Variants in EHD4 observed in about 807,000 individuals in gnomAD.
The protein encoded by EHD4 is EH domain containing 4.
In EHD4, 37 loss-of-function variants were observed where a neutral mutation model predicts 51.0. The ratio of observed to expected loss-of-function variants is 0.73; its 90% CI spans 0.56 to 0.95. EHD4 has a LOEUF of 0.95. Among genes scored for constraint, EHD4 ranks in the 40% least tolerant of loss-of-function variants. EHD4 has a pLI of 0.00. For synonymous variants in EHD4, 297 were observed against 317.3 expected, an observed-to-expected ratio of 0.94 and a Z score of 0.68; for missense variants, 632 against 733.1, an observed-to-expected ratio of 0.86 and a Z score of 1.59.
chr15:41,913,968 T>C (rs569047875), intron 4 of EHD4, among the ~76,000 whole-genome samples: 44 of 152,270 alleles, frequency 2.9e-4, no homozygotes, highest in African/African-American at 1.1e-3. Context: ...GGAAAGTCCT[T>C]CCTTTTAAAT....
At chr15:41,966,244 C>A (rs1035467633) in intron 1 of EHD4, among the ~76,000 whole-genome samples, 14 of 152,190 alleles carry the variant, frequency 9.2e-5, no homozygotes, top group African/African-American at 3.4e-4. Context: ...CCTTCACCAC[C>A]ACTCACAGGC....
intron 1 of EHD4, among the ~76,000 whole-genome samples, chr15:41,956,623 C>A (rs1374389199): frequency 6.6e-6 from 1 of 152,132 alleles, no homozygotes; most frequent in Non-Finnish European, 1.5e-5. Context: ...AAGTAGCGAC[C>A]CTACTGGACA....
chr15:41,936,004 G>A lies in EHD4; in HGVS notation c.511+7063C>T, dbSNP rs182949686. On this transcript the variant is annotated intron_variant, in intron 3 of 5. Transcript: ENST00000220325. The stretch of plus-strand genomic sequence containing the variant: ...CTTGGGCTTCCCTCACAGAATGGCC[G>A]TCTCAGTCACAGTATGACAACTACT... 6.7e-4 allele frequency among the ~76,000 whole-genome samples: 102 copies of A among 152,306 alleles called. 2 individuals are homozygous for A. The highest frequency in any genetic ancestry group is 2.3e-3 in the African/African-American group (96 of 41,568).
chr15:41,948,174 A>G (rs958463893), intron 2 of EHD4, among the ~76,000 whole-genome samples: 1 of 151,524 alleles, frequency 6.6e-6, no homozygotes, highest in Admixed American at 6.6e-5. Context: ...AATTGCTTGA[A>G]CCCGGGAGGC....
At chr15:41,907,698 T>C (rs773131923) in intron 5 of EHD4, among the ~76,000 whole-genome samples, 9 of 151,828 alleles carry the variant, frequency 5.9e-5, no homozygotes, top group Non-Finnish European at 1.3e-4. Flanking sequence ...TTTTTTGGAT[T>C]TTCTGCAGAG....
chr15:41,903,321 C>T (rs1433735045), intron 5 of EHD4, among the ~76,000 whole-genome samples: 6 of 52,498 alleles, frequency 1.1e-4, no homozygotes, highest in Non-Finnish European at 1.8e-4. Context: ...AAATATCATG[C>T]TTTCTTGTAA....
intron 3 of EHD4, among the ~76,000 whole-genome samples, chr15:41,933,085 G>A (rs1648859): frequency 0.067 from 10,177 of 152,312 alleles, 495 homozygotes; most frequent in African/African-American, 0.13. Flanking sequence ...AGGGCCCCAT[G>A]CTGGGATTCA....
chr15:41,935,392 CA>C (rs1269648737), intron 3 of EHD4, among the ~76,000 whole-genome samples: 1 of 152,128 alleles, frequency 6.6e-6, no homozygotes, highest in Non-Finnish European at 1.5e-5. Context: ...AGAAATTGAC[CA>C]GGGGGCACAG....
chr15:41,928,059 C>T (rs10518742), intron 3 of EHD4, among the ~76,000 whole-genome samples: 9,915 of 152,230 alleles, frequency 0.065, 400 homozygotes, highest in South Asian at 0.12. Context: ...AAATACACTT[C>T]GAAAAGAGTC....
intron 1 of EHD4, among the ~76,000 whole-genome samples, chr15:41,969,908 G>A (rs1236932237): frequency 6.6e-6 from 1 of 152,162 alleles, no homozygotes; most frequent in Non-Finnish European, 1.5e-5. Context: ...AGGGAGATAA[G>A]AATCTATGGC....
intron 1 of EHD4, among the ~76,000 whole-genome samples, chr15:41,968,177 C>T (rs1040626608): frequency 2.0e-5 from 3 of 152,194 alleles, no homozygotes; most frequent in African/African-American, 7.2e-5. Context: ...CCCACTCCAG[C>T]TTCTTGATCC....
At chr15:41,916,285 C>T (rs564009689) in intron 4 of EHD4, among the ~76,000 whole-genome samples, 3 of 152,304 alleles carry the variant, frequency 2.0e-5, no homozygotes, top group South Asian at 2.1e-4. Flanking sequence ...TGTTCACTCC[C>T]GATTTCAGGT....
chr15:41,935,100 T>G (rs1169592483), intron 3 of EHD4, among the ~76,000 whole-genome samples: 1 of 152,184 alleles, frequency 6.6e-6, no homozygotes, highest in East Asian at 1.9e-4. Flanking sequence ...TCACCTACTC[T>G]CTGCCTTTGC....
chr15:41,959,961 C>CAAA (rs575509600), intron 1 of EHD4, among the ~76,000 whole-genome samples: 1 of 58,008 alleles, frequency 1.7e-5, no homozygotes, highest in African/African-American at 6.4e-5. Flanking sequence ...GACTCCACCT[C>CAAA]AAAAAAAAAA....
chr15:41,906,706 C>A lies in EHD4; in HGVS notation c.1089+2993G>T, dbSNP rs143880981. On this transcript the variant is annotated intron_variant, in intron 5 of 5. Transcript: ENST00000220325. ...AAGAGCTAATTAGCACACTGTAGCA[C>A]CCCCTCTGGGGCTTTGGGGTTGCGG... 4.1e-3 allele frequency among the ~76,000 whole-genome samples: 627 copies of A among 152,350 alleles called. 5 individuals are homozygous for A. Among genetic ancestry groups the A allele is most frequent in the African/African-American group, 0.014 (597 of 41,576 alleles).
chr15:41,958,252 C>G (rs1304135556), intron 1 of EHD4, among the ~76,000 whole-genome samples: 2 of 151,942 alleles, frequency 1.3e-5, no homozygotes, highest in African/African-American at 4.8e-5. Context: ...AGAGGCCTGC[C>G]AATTCCAGCA....
intron 5 of EHD4, among the ~76,000 whole-genome samples, chr15:41,904,904 T>C (rs750524091): frequency 6.6e-6 from 1 of 152,228 alleles, no homozygotes; most frequent in Non-Finnish European, 1.5e-5. Context: ...GCAGGGCCTG[T>C]CCCAGCTCAG....
chr15:41,952,803 A>G (rs1262507250), intron 2 of EHD4, among the ~76,000 whole-genome samples: 2 of 152,012 alleles, frequency 1.3e-5, no homozygotes, highest in African/African-American at 4.8e-5. Context: ...CAGCTTGGCC[A>G]ACATGGTGAA....
chr15:41,954,359 T>C (rs113143020), intron 1 of EHD4, among the ~76,000 whole-genome samples: 2,580 of 152,270 alleles, frequency 0.017, 87 homozygotes, highest in African/African-American at 0.059. Context: ...ATGATCTTCG[T>C]CTTATAAGCC....
Sources: gnomAD v4.1 joint callset for allele counts (sites outside exome capture counted in the v4.1 genomes callset) on GRCh38, gnomAD v4.1.1 for gene constraint, MANE v1.5 for transcripts, NCBI Gene and HGNC (gene_info 2026-07-23, HGNC 2026-07-21) for gene names.